RAB27B: variants seen among roughly 807,000 people sequenced by gnomAD.
The protein encoded by RAB27B is ras-related protein Rab-27B.
Under a neutral mutation model 24.6 loss-of-function variants are expected in RAB27B, and 15 were observed. The ratio of observed to expected loss-of-function variants is 0.61; its 90% CI spans 0.41 to 0.94. The LOEUF (loss-of-function observed/expected upper bound fraction) is 0.94. Among genes scored for constraint, RAB27B ranks in the 40% least tolerant of loss-of-function variants. The pLI, the probability that RAB27B is intolerant of heterozygous loss-of-function variation, is 0.00. For missense variants in RAB27B, 261 were observed against 266.8 expected, an observed-to-expected ratio of 0.98 and a Z score of 0.15; for synonymous variants, 105 against 92.5, an observed-to-expected ratio of 1.14 and a Z score of -0.78.
At chr18:54,885,431 C>T (rs544260450) in intron 4 of RAB27B, among the ~76,000 whole-genome samples, 12 of 152,280 alleles carry the variant, frequency 7.9e-5, no homozygotes, top group Admixed American at 3.9e-4. Context: ...GTAATTCCCT[C>T]TTACTTGGGC....
chr18:54,851,149 C>G (rs2145219072), intron 1 of RAB27B, among the ~76,000 whole-genome samples: 1 of 152,290 alleles, frequency 6.6e-6, no homozygotes, highest in African/African-American at 2.4e-5. Flanking sequence ...GAAAATCAGA[C>G]TGTAATAGCA....
chr18:54,798,983 G>T (rs1909512711), intron 2 of RAB27B, among the ~76,000 whole-genome samples: 1 of 152,112 alleles, frequency 6.6e-6, no homozygotes, highest in African/African-American at 2.4e-5. Context: ...TCACAAGAGG[G>T]TCACGTATGT....
Position 54,859,511 on chromosome 18 carries a change from C to T in RAB27B, c.-19-18056C>T, listed in dbSNP as rs534603288. ...CAAAAAAAAAAAAAAATCACCTATTCGAAAGCTAAAGAATATTGTAGAATT... is the reference window on the plus strand; with the variant it reads ...CAAAAAAAAAAAAAAATCACCTATTTGAAAGCTAAAGAATATTGTAGAATT... On this transcript the variant is annotated intron_variant, in intron 1 of 5. Transcript: ENST00000262094. Among the ~76,000 whole-genome samples the T allele has an allele frequency of 2.1e-4, 31 of 150,878 alleles. No homozygotes were observed. The South Asian group carries it at 4.0e-3, about 19-fold the overall frequency.
chr18:54,879,949 C>T (rs1819892), intron 3 of RAB27B: 147,792 of 154,604 alleles, frequency 0.96, 71,043 homozygotes, highest in East Asian at 1. Context: ...TCCCACTTTT[C>T]CTGATCCTCT....
intron 2 of RAB27B, among the ~76,000 whole-genome samples, chr18:54,724,212 C>T (rs1909456332): frequency 2.6e-5 from 4 of 151,538 alleles, no homozygotes; most frequent in East Asian, 1.9e-4. Flanking sequence ...TTAGAAGCAT[C>T]CAAAAATTCA....
intron 2 of RAB27B, among the ~76,000 whole-genome samples, chr18:54,752,257 A>G (rs532271609): frequency 1.1e-4 from 16 of 152,336 alleles, no homozygotes; most frequent in Admixed American, 3.9e-4. Context: ...GCCTTGGTTC[A>G]TTCAGGCTTA....
At chr18:54,851,835 T>G (rs745977810) in intron 1 of RAB27B, among the ~76,000 whole-genome samples, 14 of 152,110 alleles carry the variant, frequency 9.2e-5, no homozygotes, top group Non-Finnish European at 1.8e-4. Flanking sequence ...AGGAATAATT[T>G]AACAAAAAAA....
At chr18:54,785,133 G>A (rs899282432) in intron 2 of RAB27B, among the ~76,000 whole-genome samples, 2 of 150,248 alleles carry the variant, frequency 1.3e-5, no homozygotes, top group African/African-American at 4.9e-5. Context: ...ACGGAGTCTC[G>A]CTCTGTCGCC....
chr18:54,784,069 A>G (rs777219347), intron 2 of RAB27B, among the ~76,000 whole-genome samples: 89 of 152,228 alleles, frequency 5.8e-4, no homozygotes, highest in Non-Finnish European at 8.5e-4. Context: ...AGTTCACTAT[A>G]GTATGCTAAT....
intron 3 of RAB27B, chr18:54,880,589 TACAC>T (rs1323445912): frequency 6.6e-6 from 1 of 152,196 alleles, no homozygotes; most frequent in African/African-American, 2.4e-5. Context: ...GAATTCCATT[TACAC>T]ACACCCTTCA....
At chr18:54,871,678 G>A (rs559292642) in intron 1 of RAB27B, among the ~76,000 whole-genome samples, 1 of 151,756 alleles carries the variant, frequency 6.6e-6, no homozygotes, top group African/African-American at 2.4e-5. Context: ...GTGAAACCCC[G>A]TCTCTACTAA....
intron 1 of RAB27B, among the ~76,000 whole-genome samples, chr18:54,868,838 G>T (rs1489816189): frequency 1.3e-5 from 2 of 152,108 alleles, no homozygotes; most frequent in African/African-American, 4.8e-5. Context: ...TGTTGGCGAG[G>T]CTGGTCACCA....
intron 1 of RAB27B, among the ~76,000 whole-genome samples, chr18:54,853,675 C>A (rs1366474242): frequency 6.6e-6 from 1 of 152,168 alleles, no homozygotes; most frequent in Non-Finnish European, 1.5e-5. Flanking sequence ...CACAATCATG[C>A]ATGCTTTACA....
chr18:54,893,762 A>C lies in RAB27B; in HGVS notation c.*4349A>C, dbSNP rs982751643. On this transcript the variant is annotated 3_prime_UTR_variant, in exon 6 of 6. Coordinates refer to ENST00000262094, the MANE Select transcript of RAB27B (RefSeq NM_004163.4). ...AATTTCTGGGTGGAGACCCAACTAC[A>C]ATGACATTGTCATGCCAGAACTATA... The C allele has an allele frequency of 6.6e-6, 1 of 151,968 alleles. No homozygotes were observed. The highest frequency in any genetic ancestry group is 2.4e-5 in the African/African-American group (1 of 41,414). 9.4% of individuals were successfully genotyped at this position (151,968 alleles called of 1,614,324 possible).
intron 1 of RAB27B, among the ~76,000 whole-genome samples, chr18:54,833,609 A>G (rs1011323848): frequency 2.0e-5 from 3 of 152,190 alleles, no homozygotes; most frequent in African/African-American, 7.2e-5. Flanking sequence ...ATTAAAATCA[A>G]AGAAAGCTGA....
At chr18:54,883,024 G>C (rs1394577841) in intron 3 of RAB27B, among the ~76,000 whole-genome samples, 4 of 152,198 alleles carry the variant, frequency 2.6e-5, no homozygotes, top group African/African-American at 7.2e-5. Context: ...GGCCAGAAAT[G>C]AGAAGGTCGA....
At chr18:54,726,873 T>A (rs1196135172) in intron 2 of RAB27B, among the ~76,000 whole-genome samples, 1 of 143,924 alleles carries the variant, frequency 6.9e-6, no homozygotes, top group Admixed American at 6.9e-5. Flanking sequence ...GGGTTTTGCA[T>A]GTTGGCAAGG....
intron 2 of RAB27B, among the ~76,000 whole-genome samples, chr18:54,819,204 T>C (rs1398687461): frequency 2.0e-5 from 3 of 148,010 alleles, no homozygotes; most frequent in African/African-American, 7.3e-5. Flanking sequence ...AAATATTATA[T>C]AATTATAATT....
intron 2 of RAB27B, among the ~76,000 whole-genome samples, chr18:54,786,576 G>GT (rs1909093623): frequency 6.6e-6 from 1 of 152,120 alleles, no homozygotes. Flanking sequence ...CACATATTTT[G>GT]TGTCTTTAAC....
Sources: allele counts gnomAD v4.1 joint callset (sites outside exome capture counted in the v4.1 genomes callset), GRCh38; gene constraint gnomAD v4.1.1; transcripts MANE v1.5; gene names NCBI Gene and HGNC (gene_info 2026-07-23, HGNC 2026-07-21).